Variants in RPS6KA2 observed in about 807,000 individuals in gnomAD.
RPS6KA2 encodes ribosomal protein S6 kinase alpha-2.
Under a neutral mutation model 91.8 loss-of-function variants are expected in RPS6KA2, and 42 were observed. That is an observed-to-expected ratio of 0.46 (90% CI 0.36 to 0.59). RPS6KA2 has a LOEUF of 0.59. Among genes scored for constraint, RPS6KA2 ranks in the 20% least tolerant of loss-of-function variants. The probability of loss-of-function intolerance (pLI) is 0.00; values close to 1 mark genes in which losing one functional copy is unlikely to be tolerated. For missense variants in RPS6KA2, 798 were observed against 978.5 expected, an observed-to-expected ratio of 0.82 and a Z score of 2.46; for synonymous variants, 414 against 393.6, an observed-to-expected ratio of 1.05 and a Z score of -0.61.
chr6:166,624,863 C>T (rs558037079), intron 1 of RPS6KA2, among the ~76,000 whole-genome samples: 2 of 151,594 alleles, frequency 1.3e-5, no homozygotes, highest in South Asian at 4.2e-4. Flanking sequence ...TGAGACAAGT[C>T]TCGCTCTCTC....
chr6:166,595,334 G>GA (rs1189715000), intron 1 of RPS6KA2, among the ~76,000 whole-genome samples: 1 of 152,214 alleles, frequency 6.6e-6, no homozygotes, highest in East Asian at 1.9e-4. Context: ...TTACAGGCAT[G>GA]AGCCACCGTG....
At chr6:166,702,865 A>G (rs1339702037) in intron 2 of RPS6KA2, 76 of 937,958 alleles carry the variant, frequency 8.1e-5, no homozygotes, top group South Asian at 6.8e-4. Flanking sequence ...TTTAAAAAAA[A>G]TTAATGAGAA....
At chr6:166,515,953 G>A (rs1452977407) in intron 3 of RPS6KA2, among the ~76,000 whole-genome samples, 6 of 152,206 alleles carry the variant, frequency 3.9e-5, no homozygotes, top group Non-Finnish European at 7.3e-5. Flanking sequence ...GCTGAAGACT[G>A]GAAAGTCTTC....
At chr6:166,511,031 T>A (rs1782464245) in intron 3 of RPS6KA2, among the ~76,000 whole-genome samples, 1 of 152,154 alleles carries the variant, frequency 6.6e-6, no homozygotes, top group Admixed American at 6.5e-5. Flanking sequence ...GGAGGCGTGA[T>A]AAGATTGGGG....
chr6:166,451,154 C>T lies in RPS6KA2; in HGVS notation c.1155G>A (p.Gln385=), dbSNP rs761950699. 2.5e-6 allele frequency: 4 copies of T among 1,614,070 alleles called. No individual in the cohort carries two copies. Among genetic ancestry groups the T allele is most frequent in the Non-Finnish European group, 3.4e-6 (4 of 1,179,974 alleles). The change falls in exon 13 of 21, where the codon CAG becomes CAA. Residue 385 remains glutamine, a synonymous_variant. Transcript: ENST00000265678. ...TGTGCAGATCTTGCTGTGAGGGCTC[C>T]TGGATCAGGCTTGAGGCCACAAAGC... ...GFSFVASSLI[Q]EPSQQDLHKV...
intron 2 of RPS6KA2, among the ~76,000 whole-genome samples, chr6:166,704,738 T>C (rs963806615): frequency 6.6e-6 from 1 of 152,250 alleles, no homozygotes; most frequent in African/African-American, 2.4e-5. Context: ...CTGGCGTCAC[T>C]GCATTTTTGC....
chr6:166,583,671 G>A (rs7743191), intron 1 of RPS6KA2, among the ~76,000 whole-genome samples: 13,908 of 152,178 alleles, frequency 0.091, 1,922 homozygotes, highest in African/African-American at 0.3. Context: ...TTATTAAAGC[G>A]CCAATGGCCA....
rs1330256536 is a variant in RPS6KA2 at position 166,508,394 on chromosome 6, T to C, written c.380-112A>G. On this transcript the variant is annotated intron_variant, in intron 4 of 20. Transcript: ENST00000265678. This position sits in a 1 kb window ranked among gnomAD's most constrained non-coding sequence, Gnocchi z 4.3. Reference sequence around the variant, plus strand: ...TGCTTACTCCGGGAGGCTGAGTCACTTGAGAAACGGCAGGACCCCGGCTGG... The same window carrying C: ...TGCTTACTCCGGGAGGCTGAGTCACCTGAGAAACGGCAGGACCCCGGCTGG... 1 of 705,540 alleles carries C rather than the reference T, an allele frequency of 1.4e-6. No individual in the cohort carries two copies. Among genetic ancestry groups the C allele is most frequent in the South Asian group, 1.7e-5 (1 of 57,882 alleles). 43.7% of individuals were successfully genotyped at this position (705,540 alleles called of 1,614,324 possible).
intron 10 of RPS6KA2, among the ~76,000 whole-genome samples, chr6:166,479,050 C>G (rs781144221): frequency 6.6e-5 from 10 of 152,226 alleles, no homozygotes; most frequent in Non-Finnish European, 1.2e-4. Context: ...ACACGCTCCC[C>G]TCTCCTCTTT....
intron 1 of RPS6KA2, among the ~76,000 whole-genome samples, chr6:166,613,079 A>G (rs1010428496): frequency 2.6e-5 from 4 of 152,132 alleles, no homozygotes; most frequent in Non-Finnish European, 5.9e-5. Flanking sequence ...CCTTAGTTAA[A>G]AGCACGTGTC....
chr6:166,504,673 G>T, intron 5 of RPS6KA2, 61 bp from the exon 6 acceptor site: 1 of 1,235,318 alleles, frequency 8.1e-7, no homozygotes, highest in Non-Finnish European at 1.2e-6. Flanking sequence ...TGGCTGGTGT[G>T]TTTTAAAGAA....
intron 10 of RPS6KA2, among the ~76,000 whole-genome samples, chr6:166,485,447 C>T (rs1781374455): frequency 6.6e-6 from 1 of 151,390 alleles, no homozygotes; most frequent in African/African-American, 2.5e-5. Context: ...AGCCCCTGAT[C>T]CCCTCCAGCT....
intron 2 of RPS6KA2, among the ~76,000 whole-genome samples, chr6:166,794,571 C>T (rs1779175176): frequency 6.7e-6 from 1 of 149,758 alleles, no homozygotes; most frequent in Non-Finnish European, 1.5e-5. Flanking sequence ...TTTATTGTGG[C>T]ACTATTCACA....
intron 2 of RPS6KA2, among the ~76,000 whole-genome samples, chr6:166,644,665 G>T (rs1173702539): frequency 1.3e-5 from 2 of 152,224 alleles, no homozygotes; most frequent in African/African-American, 4.8e-5. Context: ...CAGCCTAGGG[G>T]TTTGTGGTGT....
intron 1 of RPS6KA2, among the ~76,000 whole-genome samples, chr6:166,624,662 A>C (rs560235744): frequency 1.4e-3 from 214 of 152,250 alleles, no homozygotes; most frequent in Admixed American, 4.2e-3. Context: ...GTCCTCCATA[A>C]ACACTTGCAG....
At chr6:166,442,609 C>T (rs1383593992) in intron 14 of RPS6KA2, among the ~76,000 whole-genome samples, 1 of 152,148 alleles carries the variant, frequency 6.6e-6, no homozygotes, top group East Asian at 1.9e-4. Flanking sequence ...TATCTAACGC[C>T]TGCAGCTCCT....
At chr6:166,512,775 C>T (rs933318305) in intron 3 of RPS6KA2, among the ~76,000 whole-genome samples, 1 of 152,254 alleles carries the variant, frequency 6.6e-6, no homozygotes, top group African/African-American at 2.4e-5. Context: ...CCTAAGAAAC[C>T]TGTGCAGTGA....
intron 1 of RPS6KA2, among the ~76,000 whole-genome samples, chr6:166,541,526 G>A (rs16899121): frequency 0.013 from 1,969 of 152,244 alleles, 39 homozygotes; most frequent in African/African-American, 0.045. Flanking sequence ...GACAGCATCC[G>A]GGCTACTTGG....
chr6:166,619,614 C>T (rs3778371), intron 1 of RPS6KA2, among the ~76,000 whole-genome samples: 22,549 of 152,268 alleles, frequency 0.15, 1,711 homozygotes, highest in Non-Finnish European at 0.17. Flanking sequence ...GCAGAGCCCC[C>T]TGGGCTTCCT....
Sources: gnomAD v4.1 joint callset for allele counts (sites outside exome capture counted in the v4.1 genomes callset) on GRCh38, gnomAD v4.1.1 for gene constraint, Gnocchi (gnomAD v3.1) non-coding constraint, MANE v1.5 for transcripts, NCBI Gene and HGNC (gene_info 2026-07-23, HGNC 2026-07-21) for gene names.